FAM118B: variants seen among roughly 807,000 people sequenced by gnomAD.
FAM118B encodes protein FAM118B.
In FAM118B, 24 loss-of-function variants were observed where a neutral mutation model predicts 38.5. The ratio of observed to expected loss-of-function variants is 0.62; its 90% CI spans 0.45 to 0.88. FAM118B has a LOEUF of 0.88. Among genes scored for constraint, FAM118B ranks in the 40% least tolerant of loss-of-function variants. The pLI is 0.00. For synonymous variants in FAM118B, 138 were observed against 156.3 expected, an observed-to-expected ratio of 0.88 and a Z score of 0.87; for missense variants, 334 against 420.0, an observed-to-expected ratio of 0.80 and a Z score of 1.79.
intron 4 of FAM118B, among the ~76,000 whole-genome samples, chr11:126,241,582 T>A (rs1043944763): frequency 6.6e-6 from 1 of 152,074 alleles, no homozygotes; most frequent in Non-Finnish European, 1.5e-5. Flanking sequence ...GGAATCTTCT[T>A]CTTGTCACCC....
intron 7 of FAM118B, among the ~76,000 whole-genome samples, chr11:126,260,230 G>A (rs914907248): frequency 4.0e-5 from 6 of 151,450 alleles, no homozygotes; most frequent in African/African-American, 4.9e-5. Flanking sequence ...ATGGGGTTTC[G>A]CCATGTTGCC....
intron 7 of FAM118B, among the ~76,000 whole-genome samples, chr11:126,258,914 T>C (rs1232603406): frequency 6.6e-6 from 1 of 152,254 alleles, no homozygotes; most frequent in Non-Finnish European, 1.5e-5. Context: ...CTAAGATTGC[T>C]CTAAGGAACC....
At chr11:126,232,741 CT>C (rs1370493986) in intron 2 of FAM118B, among the ~76,000 whole-genome samples, 3 of 149,298 alleles carry the variant, frequency 2.0e-5, no homozygotes, top group Non-Finnish European at 4.4e-5. Context: ...ATATTTTTTC[CT>C]TAAAAAAACT....
rs1234712315 is a variant in FAM118B, at chr11:126,244,474, A to G, written c.339+3430A>G. 6.6e-6 allele frequency among the ~76,000 whole-genome samples: 1 copy of G among 152,250 alleles called. No individual in the cohort carries two copies. The highest frequency in any genetic ancestry group is 1.5e-5 in the Non-Finnish European group (1 of 68,042). ...ATTAAAAATTCTTCCACTTGGCATCAAAAATAGTAAAATAGCTAGGAATAA... is the reference window on the plus strand; with the variant it reads ...ATTAAAAATTCTTCCACTTGGCATCGAAAATAGTAAAATAGCTAGGAATAA... On this transcript the variant is annotated intron_variant, in intron 4 of 8. Transcript: ENST00000533050. The surrounding 1 kb of genome is among the most constrained non-coding windows in gnomAD (Gnocchi z 4.5).
In FAM118B at chr11:126,254,301, G is replaced by C; in HGVS notation, c.568-4G>C. 1 of 1,613,602 alleles carries C rather than the reference G, an allele frequency of 6.2e-7. No individual in the cohort carries two copies. On this transcript the variant is annotated splice_region_variant and splice_polypyrimidine_tract_variant and intron_variant, in intron 5 of 8. Coordinates refer to ENST00000533050, the MANE Select transcript of FAM118B (RefSeq NM_024556.4). ...GCTGGTTGGGCTATATGTGTGTTGT[G>C]CAGGTCCTCGAGTGGGCTCAGGAGA...
rs1301920471 is a variant in FAM118B at position 126,255,350 on chromosome 11, G to T, written c.696+917G>T. Among the ~76,000 whole-genome samples, 4 of 152,156 alleles carry T rather than the reference G, an allele frequency of 2.6e-5. No homozygotes were observed. The highest frequency in any genetic ancestry group is 5.9e-5 in the Non-Finnish European group (4 of 68,026). ...TTTTAATAATGAGGCAAAAGACCGAGAAAATGTATTGTCTAAAGCACAAGG... is the reference window on the plus strand; with the variant it reads ...TTTTAATAATGAGGCAAAAGACCGATAAAATGTATTGTCTAAAGCACAAGG... On this transcript the variant is annotated intron_variant, in intron 6 of 8. Transcript: ENST00000533050. This position sits in a 1 kb window ranked among gnomAD's most constrained non-coding sequence, Gnocchi z 4.6.
chr11:126,255,646 A>G lies in FAM118B; in HGVS notation c.697-921A>G, dbSNP rs543932664. Among the ~76,000 whole-genome samples the G allele has an allele frequency of 7.2e-5, 11 of 152,222 alleles. No individual in the cohort carries two copies. In the South Asian group the frequency reaches 2.1e-3, roughly 29 times the overall value. On this transcript the variant is annotated intron_variant, in intron 6 of 8. Coordinates refer to ENST00000533050, the MANE Select transcript of FAM118B (RefSeq NM_024556.4). This position sits in a 1 kb window ranked among gnomAD's most constrained non-coding sequence, Gnocchi z 4.6. ...GAAGGATTAAGATATATGAAGACCT[A>G]CTCTTTGCACAATGACCTCTGGGCA...
intron 4 of FAM118B, among the ~76,000 whole-genome samples, chr11:126,249,581 A>C (rs1950468344): frequency 6.6e-6 from 1 of 151,918 alleles, no homozygotes; most frequent in Non-Finnish European, 1.5e-5. Context: ...AAATACAAAA[A>C]TTAGCTGAGC....
At chr11:126,243,042 T>C (rs1370691916) in intron 4 of FAM118B, among the ~76,000 whole-genome samples, 1 of 152,210 alleles carries the variant, frequency 6.6e-6, no homozygotes, top group Non-Finnish European at 1.5e-5. Flanking sequence ...AATGAAGTGC[T>C]CGTCCCATAC....
At chr11:126,245,683 G>A (rs1400074829) in intron 4 of FAM118B, among the ~76,000 whole-genome samples, 2 of 150,984 alleles carry the variant, frequency 1.3e-5, no homozygotes, top group African/African-American at 4.9e-5. Context: ...AACATAGTGA[G>A]ACCCTCGGCT....
intron 8 of FAM118B, among the ~76,000 whole-genome samples, chr11:126,261,855 G>A (rs1156823317): frequency 1.3e-5 from 2 of 152,070 alleles, no homozygotes; most frequent in East Asian, 1.9e-4. Flanking sequence ...TGCTAGGTCT[G>A]GTGCTGTGTG....
chr11:126,240,823 C>A lies in FAM118B; in HGVS notation c.118C>A (p.Pro40Thr). ...KLLPSLKTKK[P>T]RELVLVIGTG... ...GCTTCCAAGCTTAAAAACTAAGAAGCCTCGAGAACTTGTGCTAGTGATTGG... is the reference window on the plus strand; with the variant it reads ...GCTTCCAAGCTTAAAAACTAAGAAGACTCGAGAACTTGTGCTAGTGATTGG... Residue 40 changes from proline (P) to threonine (T), a missense_variant, in exon 4 of 9, where the codon CCT becomes ACT. By Grantham distance (38) the Pro-to-Thr change is conservative. Coordinates refer to ENST00000533050, the MANE Select transcript of FAM118B (RefSeq NM_024556.4). 1 of 1,608,838 alleles carries A rather than the reference C, an allele frequency of 6.2e-7. No homozygotes were observed. Among genetic ancestry groups the A allele is most frequent in the Non-Finnish European group, 8.5e-7 (1 of 1,178,168 alleles).
chr11:126,224,857 C>T (rs1330182190), intron 1 of FAM118B, among the ~76,000 whole-genome samples: 8 of 152,124 alleles, frequency 5.3e-5, no homozygotes, highest in African/African-American at 1.9e-4. Flanking sequence ...AGTTCATAAG[C>T]CAAAACAGAT....
intron 4 of FAM118B, among the ~76,000 whole-genome samples, chr11:126,246,426 C>G (rs559580735): frequency 6.6e-6 from 1 of 152,292 alleles, no homozygotes; most frequent in East Asian, 1.9e-4. Flanking sequence ...CACTGGAACC[C>G]TGCACAAATC....
intron 1 of FAM118B, among the ~76,000 whole-genome samples, chr11:126,225,388 G>C (rs943258092): frequency 6.6e-6 from 1 of 152,206 alleles, no homozygotes; most frequent in African/African-American, 2.4e-5. Flanking sequence ...TATTGCCCAA[G>C]TTGTGTGTAC....
At chr11:126,261,917 G>A (rs898158379) in intron 8 of FAM118B, among the ~76,000 whole-genome samples, 2 of 152,168 alleles carry the variant, frequency 1.3e-5, no homozygotes, top group Non-Finnish European at 2.9e-5. Context: ...AGCCCAGTGA[G>A]CTGATTGTGC....
chr11:126,257,429 A>T (rs1207232234), intron 7 of FAM118B, among the ~76,000 whole-genome samples: 1 of 152,150 alleles, frequency 6.6e-6, no homozygotes, highest in Non-Finnish European at 1.5e-5. Context: ...AAGGATCCTA[A>T]AATTGGTGGA....
At chr11:126,245,678 A>G (rs1466448534) in intron 4 of FAM118B, among the ~76,000 whole-genome samples, 1 of 151,074 alleles carries the variant, frequency 6.6e-6, no homozygotes, top group Non-Finnish European at 1.5e-5. Context: ...TGGGCAACAT[A>G]GTGAGACCCT....
intron 1 of FAM118B, 24 bp from the exon 2 acceptor site, chr11:126,229,201 A>G (rs1332741358): frequency 6.6e-6 from 1 of 152,178 alleles, no homozygotes; most frequent in East Asian, 1.9e-4. Flanking sequence ...CTCCTTACTT[A>G]GCAACATGTG....
Sources: gnomAD v4.1 joint callset for allele counts (sites outside exome capture counted in the v4.1 genomes callset) on GRCh38, gnomAD v4.1.1 for gene constraint, Gnocchi (gnomAD v3.1) non-coding constraint, MANE v1.5 for transcripts, NCBI Gene and HGNC (gene_info 2026-07-23, HGNC 2026-07-21) for gene names.